TUSC3: variants seen among roughly 807,000 people sequenced by gnomAD.
TUSC3 encodes dolichyl-diphosphooligosaccharide--protein glycosyltransferase subunit TUSC3.
TUSC3 carries 45 observed loss-of-function variants against 44.8 expected under a neutral mutation model. The ratio of observed to expected loss-of-function variants is 1.00; its 90% CI spans 0.79 to 1.29. The LOEUF (loss-of-function observed/expected upper bound fraction) is 1.29. TUSC3 is among the 50% of genes most tolerant of loss of function. The pLI is 0.00. For missense variants in TUSC3, 519 were observed against 437.9 expected (o/e 1.19, Z -1.65); for synonymous variants, 212 against 152.9 (o/e 1.39, Z -2.85).
rs551055096 is a variant in TUSC3 at position 15,446,682 on chromosome 8, G to T, written n.91+29377G>T. ...AGTGAGCCGAGATGGTGGCAGTCTA[G>T]TCCAGCCTCGGCTCGGCATCAGAGG... On this transcript the variant is annotated intron_variant and non_coding_transcript_variant, in intron 1 of 5. Coordinates refer to the TUSC3 transcript ENST00000503191. Among the ~76,000 whole-genome samples the T allele has an allele frequency of 1.2e-4, 18 of 147,058 alleles. No individual in the cohort carries two copies. The South Asian group carries it at 3.8e-3, about 31-fold the overall frequency.
chr8:15,545,859 A>G (rs1043796620), intron 1 of TUSC3, among the ~76,000 whole-genome samples: 7 of 151,770 alleles, frequency 4.6e-5, no homozygotes, highest in Non-Finnish European at 1.0e-4. Context: ...TGACTGCTGT[A>G]GATTATTTCA....
intron 2 of TUSC3, among the ~76,000 whole-genome samples, chr8:15,489,952 G>T (rs1200575765): frequency 2.0e-5 from 3 of 152,156 alleles, no homozygotes; most frequent in African/African-American, 7.2e-5. Context: ...ATATTGTAAA[G>T]TTTTGTAATT....
At chr8:15,691,979 C>T (rs1035357002) in intron 6 of TUSC3, among the ~76,000 whole-genome samples, 5 of 151,998 alleles carry the variant, frequency 3.3e-5, no homozygotes, top group African/African-American at 9.7e-5. Flanking sequence ...CAGGGTCTCA[C>T]CATGTTGGCC....
intron 1 of TUSC3, among the ~76,000 whole-genome samples, chr8:15,552,477 G>T (rs185530392): frequency 2.6e-5 from 4 of 151,666 alleles, no homozygotes; most frequent in Non-Finnish European, 2.9e-5. Context: ...GGGAAATAAT[G>T]GGCGCTATAC....
chr8:15,466,699 G>C (rs542042810), intron 1 of TUSC3, among the ~76,000 whole-genome samples: 2 of 152,186 alleles, frequency 1.3e-5, no homozygotes, highest in South Asian at 4.1e-4. Context: ...GGTTCTTTGA[G>C]ATTTTCTTTA....
At chr8:15,569,279 T>C (rs971984957) in intron 1 of TUSC3, among the ~76,000 whole-genome samples, 1 of 152,164 alleles carries the variant, frequency 6.6e-6, no homozygotes, top group Non-Finnish European at 1.5e-5. Flanking sequence ...TGCGTCTATA[T>C]CTCTATATAG....
intron 1 of TUSC3, among the ~76,000 whole-genome samples, chr8:15,574,972 G>C (rs1340685839): frequency 6.6e-6 from 1 of 152,126 alleles, no homozygotes; most frequent in Non-Finnish European, 1.5e-5. Context: ...AAGGAGAATA[G>C]AGAGTTTAAC....
chr8:15,549,948 C>T (rs1802001910), intron 1 of TUSC3, among the ~76,000 whole-genome samples: 1 of 151,606 alleles, frequency 6.6e-6, no homozygotes, highest in Admixed American at 6.6e-5. Context: ...AAACCGAGCT[C>T]CCCGAGTGGG....
intron 1 of TUSC3, among the ~76,000 whole-genome samples, chr8:15,564,915 C>G (rs1802608782): frequency 6.6e-6 from 1 of 152,126 alleles, no homozygotes; most frequent in African/African-American, 2.4e-5. Context: ...AGAGAGGCCA[C>G]TGTTCTTTAC....
At chr8:15,731,505 C>G (rs76324503) in intron 7 of TUSC3, among the ~76,000 whole-genome samples, 58 of 152,138 alleles carry the variant, frequency 3.8e-4, no homozygotes, top group African/African-American at 1.4e-3. Flanking sequence ...AGGTGTAAAT[C>G]TTTAACTATC....
intron 2 of TUSC3, among the ~76,000 whole-genome samples, chr8:15,506,463 GT>G (rs1042348116): frequency 3.9e-5 from 6 of 152,282 alleles, no homozygotes; most frequent in African/African-American, 1.4e-4. Flanking sequence ...ATGACCCCTT[GT>G]ATTAGCTCAT....
At chr8:15,504,346 A>T (rs1801015349) in intron 2 of TUSC3, among the ~76,000 whole-genome samples, 1 of 151,936 alleles carries the variant, frequency 6.6e-6, no homozygotes, top group Non-Finnish European at 1.5e-5. Context: ...GTTTTGTGAG[A>T]TTTTAATAAA....
At chr8:15,661,664 T>C (rs1216303952) in intron 4 of TUSC3, among the ~76,000 whole-genome samples, 2 of 152,040 alleles carry the variant, frequency 1.3e-5, no homozygotes, top group Admixed American at 6.6e-5. Context: ...AAGCTGTCTA[T>C]GTGGATATAG....
At chr8:15,480,947 C>T (rs1451022806) in intron 1 of TUSC3, among the ~76,000 whole-genome samples, 2 of 151,980 alleles carry the variant, frequency 1.3e-5, no homozygotes, top group Non-Finnish European at 2.9e-5. Context: ...ACCTTTGCAA[C>T]AGTATTAAGA....
At chr8:15,596,347 A>C (rs756228663) in intron 1 of TUSC3, among the ~76,000 whole-genome samples, 1 of 152,184 alleles carries the variant, frequency 6.6e-6, no homozygotes, top group Non-Finnish European at 1.5e-5. Context: ...AGTACAGTAC[A>C]TGGGTTTGAA....
chr8:15,639,173 T>G lies in TUSC3; in HGVS notation c.309-11524T>G, dbSNP rs184505725. Among the ~76,000 whole-genome samples the G allele has an allele frequency of 2.4e-4, 37 of 151,724 alleles. No individual in the cohort carries two copies. In the East Asian group the frequency reaches 6.4e-3, roughly 26 times the overall value. ...GTGATGATCATGTGTCGATGCTAGATCACGTGATGTTCAGGGCTTCAGTGA... is the reference window on the plus strand; with the variant it reads ...GTGATGATCATGTGTCGATGCTAGAGCACGTGATGTTCAGGGCTTCAGTGA... On this transcript the variant is annotated intron_variant, in intron 2 of 10. Coordinates refer to ENST00000503731, the MANE Select transcript of TUSC3 (RefSeq NM_006765.4).
At chr8:15,767,380 C>G (rs1389943460), downstream of TUSC3, among the ~76,000 whole-genome samples, 1 of 149,156 alleles carries the variant, frequency 6.7e-6, no homozygotes, top group Admixed American at 6.7e-5. Flanking sequence ...GCATAGATGT[C>G]AGGAAAAATG....
intron 1 of TUSC3, among the ~76,000 whole-genome samples, chr8:15,587,250 C>T (rs556347946): frequency 6.6e-6 from 1 of 152,252 alleles, no homozygotes; most frequent in East Asian, 1.9e-4. Context: ...ACACTGCTCT[C>T]CCTGTATCCA....
chr8:15,838,421 C>T, the TUSC3 span, among the ~76,000 whole-genome samples: 1 of 152,108 alleles, frequency 6.6e-6, no homozygotes, highest in Admixed American at 6.6e-5. Flanking sequence ...CCAGATTCAA[C>T]TATATATCAT....
Sources: gnomAD v4.1 joint callset for allele counts (sites outside exome capture counted in the v4.1 genomes callset) on GRCh38, gnomAD v4.1.1 for gene constraint, MANE v1.5 for transcripts, NCBI Gene and HGNC (gene_info 2026-07-23, HGNC 2026-07-21) for gene names.